SANBR: variants seen among roughly 807,000 people sequenced by gnomAD.
SANBR encodes the protein SANT and BTB domain regulator of CSR, also known as SANT and BTB domain regulator of class switch recombination.
SANBR carries 77 observed loss-of-function variants against 101.8 expected under a neutral mutation model. That is an observed-to-expected ratio of 0.76 (90% CI 0.63 to 0.91). The LOEUF is 0.91. SANBR is among the 40% of genes least tolerant of loss of function. The probability of loss-of-function intolerance (pLI) is 0.00; values close to 1 mark genes in which losing one functional copy is unlikely to be tolerated. For missense variants in SANBR, 875 were observed against 853.0 expected, an observed-to-expected ratio of 1.03 and a Z score of -0.32; for synonymous variants, 279 against 274.7, an observed-to-expected ratio of 1.02 and a Z score of -0.15.
At chr2:61,128,191 G>A (rs1220985241), downstream of SANBR, among the ~76,000 whole-genome samples, 1 of 151,440 alleles carries the variant, frequency 6.6e-6, no homozygotes, top group African/African-American at 2.4e-5. Flanking sequence ...AGAATCGCTT[G>A]AACCCGGGAG....
At chr2:61,137,394 C>T (rs1684883954) in intron 21 of SANBR, 1 of 152,206 alleles carries the variant, frequency 6.6e-6, no homozygotes, top group Non-Finnish European at 1.5e-5. Context: ...AGTACATAGC[C>T]TGCTAAACTC....
chr2:61,066,321 C>CCCCGCCTCGCT (rs1436127914), intron 1 of SANBR: 2 of 153,028 alleles, frequency 1.3e-5, no homozygotes, highest in African/African-American at 4.8e-5. Flanking sequence ...CGGGCCTCTG[C>CCCCGCCTCGCT]CCCGCCTCGC....
In SANBR at chr2:61,105,209, C is replaced by T. The variant is rs146654482; in HGVS notation, c.1511+1211C>T. On this transcript the variant is annotated intron_variant, in intron 13 of 21. Transcript: ENST00000402291. ...CAGCCTGGCCAACATGGTGAAACCC[C>T]GTCTGTACTAACCAGGCATGGTGGC... Among the ~76,000 whole-genome samples, 61 of 152,044 alleles carry T rather than the reference C, an allele frequency of 4.0e-4. 1 individual carries two copies. In the Middle Eastern group the frequency reaches 0.017, roughly 42 times the overall value.
chr2:61,134,953 G>A (rs1264839068), intron 21 of SANBR, among the ~76,000 whole-genome samples: 3 of 151,944 alleles, frequency 2.0e-5, no homozygotes, highest in Admixed American at 6.6e-5. Flanking sequence ...TTGGGAGGCC[G>A]AGAAGGTGGG....
chr2:61,073,701 A>G (rs1053480619), intron 5 of SANBR, 150 bp downstream of exon 5: 3 of 407,976 alleles, frequency 7.4e-6, no homozygotes, highest in African/African-American at 4.1e-5. Context: ...GAACTGACCG[A>G]AACATGACTT....
intron 19 of SANBR, 45 bp downstream of exon 19, chr2:61,117,585 C>T (rs755420989): frequency 2.1e-6 from 3 of 1,459,330 alleles, no homozygotes; most frequent in Non-Finnish European, 2.9e-6. Context: ...ATGTAAATAG[C>T]AATGATTGGT....
chr2:61,136,641 A>T (rs535591357), intron 21 of SANBR, among the ~76,000 whole-genome samples: 28 of 147,128 alleles, frequency 1.9e-4, no homozygotes, highest in African/African-American at 6.5e-4. Context: ...AAAAAAAAAA[A>T]GATGATGGCA....
rs1009100663 is a variant in SANBR at position 61,094,090 on chromosome 2, T to G, written c.1212+1503T>G. ...TCTTCAGATTGGGATTTTAAACTGTTTAAGTTCCCACTCAATGGGTTCTGT... is the reference window on the plus strand; with the variant it reads ...TCTTCAGATTGGGATTTTAAACTGTGTAAGTTCCCACTCAATGGGTTCTGT... On this transcript the variant is annotated intron_variant, in intron 11 of 21. Transcript: ENST00000402291. 9.2e-6 allele frequency: 9 copies of G among 983,570 alleles called. No individual in the cohort carries two copies. The Admixed American group carries it at 4.3e-4, about 47-fold the overall frequency. 60.9% of individuals were successfully genotyped at this position (983,570 alleles called of 1,614,324 possible).
At chr2:61,075,256 T>TA (rs1681705956) in intron 5 of SANBR, 1 of 152,382 alleles carries the variant, frequency 6.6e-6, no homozygotes, top group African/African-American at 2.4e-5. Flanking sequence ...TTTGAGGTGA[T>TA]ACAATTTTTT....
intron 6 of SANBR, among the ~76,000 whole-genome samples, chr2:61,079,969 G>A (rs78337123): frequency 6.7e-6 from 1 of 150,318 alleles, no homozygotes; most frequent in Non-Finnish European, 1.5e-5. Context: ...AGGCCGAGGC[G>A]GACGGATCAC....
chr2:61,105,151 C>T (rs921755830), intron 13 of SANBR, among the ~76,000 whole-genome samples: 1 of 151,846 alleles, frequency 6.6e-6, no homozygotes, highest in Admixed American at 6.6e-5. Flanking sequence ...GAGGCCGAGG[C>T]AGGCCGATCA....
chr2:61,102,739 T>C (rs1309664486), intron 12 of SANBR, among the ~76,000 whole-genome samples: 1 of 151,966 alleles, frequency 6.6e-6, no homozygotes, highest in Non-Finnish European at 1.5e-5. Context: ...GGTTTCACCA[T>C]GTTGGCCAGG....
exon 22 of SANBR, chr2:61,138,004 T>C (rs1191407570): frequency 6.6e-6 from 1 of 152,246 alleles, no homozygotes; most frequent in Non-Finnish European, 1.5e-5. Flanking sequence ...ATTCTATTAA[T>C]CTACTAATAT....
chr2:61,073,982 ATAGTTTTGTATTGTT>A (rs1045598579), intron 5 of SANBR, among the ~76,000 whole-genome samples: 1 of 23,588 alleles, frequency 4.2e-5, no homozygotes, highest in African/African-American at 1.5e-3. Context: ...ATAGTTTTGT[ATAGTTTTGTATTGTT>A]TTGCCTATTT....
intron 12 of SANBR, among the ~76,000 whole-genome samples, chr2:61,099,178 C>T (rs1683174395): frequency 6.6e-6 from 1 of 152,194 alleles, no homozygotes. Flanking sequence ...GGTGTCAGTC[C>T]ATGCAGGAGC....
downstream of SANBR, among the ~76,000 whole-genome samples, chr2:61,126,670 C>T (rs376150427): frequency 5.6e-4 from 83 of 148,766 alleles, no homozygotes; most frequent in African/African-American, 1.0e-3. Context: ...GACGTGGTGG[C>T]GGGTGCTTGC....
Position 61,084,117 on chromosome 2 carries a change from C to A in SANBR, c.890+803C>A, listed in dbSNP as rs561058229. Among the ~76,000 whole-genome samples the A allele has an allele frequency of 2.6e-5, 4 of 152,130 alleles. No individual in the cohort carries two copies. In the South Asian group the frequency reaches 6.2e-4, roughly 24 times the overall value. ...CACAGGCGCACGCCACCATGCGCAG[C>A]TGATTTTTGTATTTTTTGTAGAGAT... On this transcript the variant is annotated intron_variant, in intron 8 of 21. Transcript: ENST00000402291.
At chr2:61,100,699 G>T (rs1424599362) in intron 12 of SANBR, among the ~76,000 whole-genome samples, 1 of 152,178 alleles carries the variant, frequency 6.6e-6, no homozygotes, top group Non-Finnish European at 1.5e-5. Context: ...CTAAGAATAA[G>T]GGGGAAGACA....
intron 11 of SANBR, among the ~76,000 whole-genome samples, chr2:61,094,908 G>C (rs562788844): frequency 2.6e-5 from 4 of 152,192 alleles, no homozygotes; most frequent in Non-Finnish European, 5.9e-5. Flanking sequence ...GCCTCCCAAA[G>C]TGCTGGGATT....
Sources: allele counts gnomAD v4.1 joint callset (sites outside exome capture counted in the v4.1 genomes callset), GRCh38; gene constraint gnomAD v4.1.1; transcripts MANE v1.5; gene names NCBI Gene and HGNC (gene_info 2026-07-23, HGNC 2026-07-21).